The following SORCS1 variants were observed in gnomAD, a reference collection of about 807,000 sequenced individuals.
The protein encoded by SORCS1 is sortilin related VPS10 domain containing receptor 1, also known as VPS10 domain-containing receptor SorCS1.
SORCS1 carries 60 observed loss-of-function variants against 146.1 expected under a neutral mutation model. The ratio of observed to expected loss-of-function variants is 0.41; its 90% CI spans 0.33 to 0.51. SORCS1 has a LOEUF of 0.51. Ranked by LOEUF, SORCS1 falls within the 20% of genes least tolerant of loss-of-function variation. The pLI, the probability that SORCS1 is intolerant of heterozygous loss-of-function variation, is 0.21. For missense variants in SORCS1, 1,352 were observed against 1,487.6 expected (o/e 0.91, Z 1.50); for synonymous variants, 637 against 584.0 (o/e 1.09, Z -1.31).
chr10:106,941,994 G>A (rs1954068165), intron 2 of SORCS1, among the ~76,000 whole-genome samples: 1 of 152,170 alleles, frequency 6.6e-6, no homozygotes, highest in Non-Finnish European at 1.5e-5. Flanking sequence ...AATAACTCAG[G>A]GATGTGGGGG....
rs200343045 is a variant in SORCS1, at chr10:106,700,247, T to C, written c.1234-854A>G. On this transcript the variant is annotated intron_variant, in intron 8 of 25. Transcript: ENST00000263054. ...CCCCTGGGGTGGGAATTTCAAATTCTTTTTCCCCCATTCATAACTCTAGAG... is the reference window on the plus strand; with the variant it reads ...CCCCTGGGGTGGGAATTTCAAATTCCTTTTCCCCCATTCATAACTCTAGAG... Among the ~76,000 whole-genome samples, 7 of 152,270 alleles carry C rather than the reference T, an allele frequency of 4.6e-5. No homozygotes were observed. The East Asian group carries it at 1.4e-3, about 29-fold the overall frequency.
chr10:106,944,871 C>CTTTTTTTTTTTTTTTTTTT lies in SORCS1; in HGVS notation c.626+11641_626+11642insAAAAAAAAAAAAAAAAAAA, dbSNP rs1564838013. On this transcript the variant is annotated intron_variant, in intron 2 of 25. Transcript: ENST00000263054. ...ATGGTAGAAAGAAGCAAGAAAGAGC[C>CTTTTTTTTTTTTTTTTTTT]TTCTTTTTTTTTTTTTTTTTTTTTT... Among the ~76,000 whole-genome samples the CTTTTTTTTTTTTTTTTTTT allele has an allele frequency of 2.9e-4, 18 of 61,024 alleles. 4 individuals are homozygous for CTTTTTTTTTTTTTTTTTTT. The highest frequency in any genetic ancestry group is 6.3e-4 in the African/African-American group (14 of 22,390). The allele number at this position is 61,024 out of a possible 152,430, so 40.0% of individuals were successfully genotyped here.
At chr10:106,917,311 G>A (rs888546167) in intron 2 of SORCS1, among the ~76,000 whole-genome samples, 6 of 152,164 alleles carry the variant, frequency 3.9e-5, no homozygotes, top group East Asian at 1.9e-4. Context: ...TGCTATAATT[G>A]TAATTAATAC....
At chr10:106,635,523 G>T in intron 18 of SORCS1, among the ~76,000 whole-genome samples, 1 of 152,198 alleles carries the variant, frequency 6.6e-6, no homozygotes, top group African/African-American at 2.4e-5. Context: ...TACCCTGGGA[G>T]TGGAGTGAAG....
At chr10:106,774,973 T>C (rs17121476) in intron 4 of SORCS1, among the ~76,000 whole-genome samples, 7,135 of 152,278 alleles carry the variant, frequency 0.047, 268 homozygotes, top group East Asian at 0.11. Context: ...TAAATACTAT[T>C]CACCATAAGT....
chr10:106,790,342 A>C (rs1019720806), intron 3 of SORCS1, among the ~76,000 whole-genome samples: 1 of 152,334 alleles, frequency 6.6e-6, no homozygotes, highest in Admixed American at 6.5e-5. Flanking sequence ...GTTATTACCA[A>C]GGAAAAAGGC....
At chr10:107,014,994 A>T (rs1436450971) in intron 1 of SORCS1, among the ~76,000 whole-genome samples, 4 of 152,200 alleles carry the variant, frequency 2.6e-5, no homozygotes, top group African/African-American at 9.7e-5. Flanking sequence ...TCAATATCCC[A>T]TGCTTAGGGT....
chr10:106,744,568 C>T (rs973186317), intron 5 of SORCS1, among the ~76,000 whole-genome samples: 1 of 152,138 alleles, frequency 6.6e-6, no homozygotes, highest in East Asian at 1.9e-4. Flanking sequence ...TATAAGAGTG[C>T]TTACAATGTT....
At chr10:106,940,601 T>C (rs975114318) in intron 2 of SORCS1, among the ~76,000 whole-genome samples, 1 of 152,212 alleles carries the variant, frequency 6.6e-6, no homozygotes, top group South Asian at 2.1e-4. Flanking sequence ...AAAGTAGGCT[T>C]GGCTGGACAT....
chr10:106,992,007 C>T (rs1199059161), intron 1 of SORCS1, among the ~76,000 whole-genome samples: 1 of 152,042 alleles, frequency 6.6e-6, no homozygotes, highest in African/African-American at 2.4e-5. Context: ...TGCAATTAAA[C>T]TTTGCATGTT....
At chr10:106,984,324 A>G (rs1312878582) in intron 1 of SORCS1, among the ~76,000 whole-genome samples, 1 of 151,982 alleles carries the variant, frequency 6.6e-6, no homozygotes, top group African/African-American at 2.4e-5. Flanking sequence ...TGTCTAAAGC[A>G]TTTCTGATTC....
chr10:106,891,013 T>C (rs1338793170), intron 2 of SORCS1, among the ~76,000 whole-genome samples: 1 of 152,210 alleles, frequency 6.6e-6, no homozygotes, highest in Admixed American at 6.5e-5. Flanking sequence ...GTATTTATGA[T>C]ACATTTTCTT....
chr10:107,114,967 T>C (rs900110000), intron 1 of SORCS1, among the ~76,000 whole-genome samples: 5 of 152,038 alleles, frequency 3.3e-5, no homozygotes, highest in Non-Finnish European at 5.9e-5. Flanking sequence ...CAAACAACTA[T>C]ATCCAAATTG....
chr10:106,812,981 G>A (rs1947547303), intron 3 of SORCS1, among the ~76,000 whole-genome samples: 1 of 152,086 alleles, frequency 6.6e-6, no homozygotes, highest in African/African-American at 2.4e-5. Context: ...TCTCAGCTGT[G>A]GCTTCTCCAA....
chr10:106,844,120 G>A (rs1949197465), intron 2 of SORCS1, among the ~76,000 whole-genome samples: 3 of 152,160 alleles, frequency 2.0e-5, no homozygotes, highest in African/African-American at 7.2e-5. Context: ...GTTTTAACTT[G>A]CATTTCCCTG....
intron 1 of SORCS1, among the ~76,000 whole-genome samples, chr10:107,130,616 TAA>T (rs1966856498): frequency 6.6e-6 from 1 of 152,186 alleles, no homozygotes; most frequent in Admixed American, 6.5e-5. Flanking sequence ...CACAAAAATG[TAA>T]AGTCTTTCGA....
chr10:106,680,600 A>G (rs544139174), intron 10 of SORCS1, among the ~76,000 whole-genome samples: 206 of 152,344 alleles, frequency 1.4e-3, no homozygotes, highest in Middle Eastern at 6.8e-3. Context: ...CCTCATTCAA[A>G]TTATCTGATT....
At chr10:107,063,954 A>G (rs1961490015) in intron 1 of SORCS1, among the ~76,000 whole-genome samples, 1 of 152,186 alleles carries the variant, frequency 6.6e-6, no homozygotes, top group Non-Finnish European at 1.5e-5. Flanking sequence ...TAAAGATATC[A>G]GACTTAAAAT....
At chr10:106,677,431 C>T in intron 12 of SORCS1, 27 bp from the exon 13 acceptor site, 1 of 1,581,114 alleles carries the variant, frequency 6.3e-7, no homozygotes, top group East Asian at 2.2e-5. Flanking sequence ...CATACATGGA[C>T]ACACATCCAC....
Sources: allele counts gnomAD v4.1 joint callset (sites outside exome capture counted in the v4.1 genomes callset), GRCh38; gene constraint gnomAD v4.1.1; transcripts MANE v1.5; gene names NCBI Gene and HGNC (gene_info 2026-07-23, HGNC 2026-07-21).